NEURL1: variants seen among roughly 807,000 people sequenced by gnomAD.
NEURL1 encodes E3 ubiquitin-protein ligase NEURL1.
In NEURL1, 26 loss-of-function variants were observed where a neutral mutation model predicts 41.2. The observed-to-expected ratio is 0.63, with a 90% CI of 0.46 to 0.87. The LOEUF is 0.87. Ranked by LOEUF, NEURL1 falls within the 40% of genes least tolerant of loss-of-function variation. The pLI, the probability that NEURL1 is intolerant of heterozygous loss-of-function variation, is 0.00. For missense variants in NEURL1, 761 were observed against 871.1 expected (o/e 0.87, Z 1.59); for synonymous variants, 400 against 402.3 (o/e 0.99, Z 0.07).
chr10:103,579,405 C>T (rs560665392), intron 3 of NEURL1, among the ~76,000 whole-genome samples: 1 of 152,258 alleles, frequency 6.6e-6, no homozygotes, highest in African/African-American at 2.4e-5. Flanking sequence ...TCAGAGGGAG[C>T]CCCAAGGAGG....
intron 1 of NEURL1, among the ~76,000 whole-genome samples, chr10:103,541,713 A>G (rs771827099): frequency 3.3e-5 from 5 of 152,226 alleles, no homozygotes; most frequent in East Asian, 1.9e-4. Context: ...GGTGAGGGAC[A>G]TGAGAAGGTG....
intron 1 of NEURL1, among the ~76,000 whole-genome samples, chr10:103,510,883 C>G (rs2133849300): frequency 6.6e-6 from 1 of 152,292 alleles, no homozygotes; most frequent in East Asian, 1.9e-4. Context: ...TCAAGACCCC[C>G]CTAGAAGTTT....
At chr10:103,505,200 C>T (rs1211501792) in intron 1 of NEURL1, among the ~76,000 whole-genome samples, 1 of 150,772 alleles carries the variant, frequency 6.6e-6, no homozygotes, top group Admixed American at 6.6e-5. Context: ...TCTACAGGCA[C>T]ACAATACCAA....
At chr10:103,505,048 C>CTTTTT (rs35244731) in intron 1 of NEURL1, among the ~76,000 whole-genome samples, 2 of 139,466 alleles carry the variant, frequency 1.4e-5, no homozygotes, top group Non-Finnish European at 3.1e-5. Flanking sequence ...TCTCCTGTAT[C>CTTTTT]TTTTTTTTTT....
At chr10:103,568,372 G>A (rs1000381281) in intron 1 of NEURL1, among the ~76,000 whole-genome samples, 15 of 152,040 alleles carry the variant, frequency 9.9e-5, no homozygotes, top group Non-Finnish European at 2.1e-4. Flanking sequence ...TTTCTGTGCC[G>A]TTACCCAGGG....
chr10:103,521,178 T>G (rs2034340597), intron 1 of NEURL1, among the ~76,000 whole-genome samples: 1 of 152,098 alleles, frequency 6.6e-6, no homozygotes, highest in African/African-American at 2.4e-5. Flanking sequence ...GAAAGGGGTA[T>G]GAAGGTTCTA....
chr10:103,571,769 C>G lies in NEURL1; in HGVS notation c.596C>G (p.Pro199Arg), dbSNP rs546283557. 2 of 1,613,474 alleles carry G rather than the reference C, an allele frequency of 1.2e-6. No homozygotes were observed. Among genetic ancestry groups the G allele is most frequent in the South Asian group, 1.1e-5 (1 of 91,052 alleles). ...TTCAGCGGGGTCCGCACGGCCGACC[C>G]GCTCTGGGCCCTGGTGGACGTCTAC... is the stretch of plus-strand genomic sequence containing the variant. ...LFFSGVRTAD[P>R]LWALVDVYGL... The change falls in exon 3 of 6, where the codon CCG becomes CGG. Residue 199 changes from proline (P) to arginine (R), a missense_variant. Pro to Arg is a moderately radical substitution (Grantham distance 103). Around this residue, in one of 5 missense-constraint regions of NEURL1, gnomAD observed 114 missense variants for 144.8 expected, o/e 0.79. Coordinates refer to ENST00000369780, the MANE Select transcript of NEURL1 (RefSeq NM_004210.5).
chr10:103,559,481 T>G (rs1291766544), intron 1 of NEURL1, among the ~76,000 whole-genome samples: 4 of 134,198 alleles, frequency 3.0e-5, no homozygotes, highest in African/African-American at 5.8e-5. Flanking sequence ...GCCTGAGGGG[T>G]GGGTGGGGTA....
Position 103,570,928 on chromosome 10 carries a change from C to T in NEURL1, c.142C>T (p.His48Tyr). Residue 48 changes from histidine to tyrosine, a missense_variant, in exon 2 of 6, where the codon CAC (histidine) becomes TAC (tyrosine). Physicochemically the swap from His to Tyr is moderately conservative, Grantham distance 83. Transcript: ENST00000369780. ...TSHRCHHKQK[H>Y]CPAVLPSGGL... ...TCACCGATGCCACCACAAGCAGAAG[C>T]ACTGTCCGGCAGTGCTGCCCAGCGG... 1 of 1,613,918 alleles carries T rather than the reference C, an allele frequency of 6.2e-7. No individual in the cohort carries two copies. Among genetic ancestry groups the T allele is most frequent in the Non-Finnish European group, 8.5e-7 (1 of 1,180,008 alleles).
chr10:103,503,656 G>A (rs1190563558), intron 1 of NEURL1, among the ~76,000 whole-genome samples: 1 of 152,162 alleles, frequency 6.6e-6, no homozygotes, highest in African/African-American at 2.4e-5. Flanking sequence ...CAATAGGTGA[G>A]TGCTCACCAC....
At chr10:103,580,972 C>A (rs1393128198) in intron 3 of NEURL1, among the ~76,000 whole-genome samples, 1 of 152,190 alleles carries the variant, frequency 6.6e-6, no homozygotes, top group South Asian at 2.1e-4. Flanking sequence ...GGGTACCCAT[C>A]ATGACTGATG....
chr10:103,567,839 G>A (rs917146337), intron 1 of NEURL1, among the ~76,000 whole-genome samples: 3 of 152,194 alleles, frequency 2.0e-5, no homozygotes, highest in African/African-American at 7.2e-5. Context: ...CTGTAAATTG[G>A]TTGATAATAA....
In NEURL1 at chr10:103,558,331, C is replaced by T. The variant is rs552770801; in HGVS notation, c.86-12541C>T. 2.0e-5 allele frequency: 17 copies of T among 858,262 alleles called. No individual in the cohort carries two copies. Among genetic ancestry groups the T allele is most frequent in the Middle Eastern group, 5.9e-4 (1 of 1,682 alleles). 53.2% of individuals were successfully genotyped at this position (858,262 alleles called of 1,614,324 possible). On this transcript the variant is annotated intron_variant, in intron 1 of 5. Coordinates refer to ENST00000369780, the MANE Select transcript of NEURL1 (RefSeq NM_004210.5). This position sits in a 1 kb window ranked among gnomAD's most constrained non-coding sequence, Gnocchi z 4.2. ...TCTAATTGTGTGTTTTGTTTGTGGA[C>T]GTGTTTTGGCTCTCTGAGCTTCTGA...
At chr10:103,550,058 A>G (rs1758922103) in intron 1 of NEURL1, among the ~76,000 whole-genome samples, 2 of 152,182 alleles carry the variant, frequency 1.3e-5, no homozygotes, top group Admixed American at 1.3e-4. Flanking sequence ...GATGGTTTCT[A>G]TTCCCCAGTG....
chr10:103,584,238 T>G (rs2035846577), intron 3 of NEURL1, among the ~76,000 whole-genome samples: 1 of 152,174 alleles, frequency 6.6e-6, no homozygotes, highest in East Asian at 1.9e-4. Flanking sequence ...TTATGAGGAA[T>G]ACAAGTTTAC....
At chr10:103,535,768 A>C (rs969649260) in intron 1 of NEURL1, among the ~76,000 whole-genome samples, 2 of 152,108 alleles carry the variant, frequency 1.3e-5, no homozygotes, top group Non-Finnish European at 2.9e-5. Flanking sequence ...CCTGCAGGGA[A>C]GGGTGCAACA....
chr10:103,516,539 G>A (rs2034210986), intron 1 of NEURL1, among the ~76,000 whole-genome samples: 1 of 152,090 alleles, frequency 6.6e-6, no homozygotes, highest in Non-Finnish European at 1.5e-5. Flanking sequence ...ACAATGAGTT[G>A]TCAGCAGTGG....
intron 3 of NEURL1, among the ~76,000 whole-genome samples, chr10:103,583,031 AG>A (rs1217084006): frequency 2.0e-5 from 3 of 152,198 alleles, no homozygotes; most frequent in Non-Finnish European, 4.4e-5. Flanking sequence ...GATGAATTGC[AG>A]GGGTAATTCA....
chr10:103,544,178 G>A (rs1486092007), intron 1 of NEURL1, among the ~76,000 whole-genome samples: 1 of 152,170 alleles, frequency 6.6e-6, no homozygotes, highest in African/African-American at 2.4e-5. Flanking sequence ...GGAGGGGATG[G>A]ATTTGAGAAG....
Sources: allele counts gnomAD v4.1 joint callset (sites outside exome capture counted in the v4.1 genomes callset), GRCh38; gene constraint gnomAD v4.1.1; regional missense constraint gnomAD v4.1.1; non-coding constraint Gnocchi (gnomAD v3.1); transcripts MANE v1.5; gene names NCBI Gene and HGNC (gene_info 2026-07-23, HGNC 2026-07-21).